Variants in SLC25A26 observed in about 807,000 individuals in gnomAD.
SLC25A26 encodes solute carrier family 25 member 26.
In SLC25A26, 36 loss-of-function variants were observed where a neutral mutation model predicts 37.8. The ratio of observed to expected loss-of-function variants is 0.95; its 90% CI spans 0.73 to 1.26. The LOEUF (loss-of-function observed/expected upper bound fraction) is 1.26, where lower values mean the gene tolerates loss of function less well. Ranked by LOEUF, SLC25A26 falls within the 50% of genes most tolerant of loss-of-function variation. The pLI, the probability that SLC25A26 is intolerant of heterozygous loss-of-function variation, is 0.00. For synonymous variants in SLC25A26, 129 were observed against 122.5 expected (o/e 1.05, Z -0.35); for missense variants, 390 against 331.1 (o/e 1.18, Z -1.38).
chr3:66,368,952 G>A (rs1215041375), intron 7 of SLC25A26, among the ~76,000 whole-genome samples: 1 of 149,816 alleles, frequency 6.7e-6, no homozygotes, highest in Non-Finnish European at 1.5e-5. Context: ...GCCTAGGAGG[G>A]TGAGGCTGCA....
intron 3 of SLC25A26, among the ~76,000 whole-genome samples, chr3:66,253,036 C>CCG (rs1249195910): frequency 7.2e-6 from 1 of 138,306 alleles, no homozygotes; most frequent in Non-Finnish European, 1.6e-5. Flanking sequence ...CCCCCCCCCC[C>CCG]ATAAATATGT....
intron 1 of SLC25A26, among the ~76,000 whole-genome samples, chr3:66,207,593 A>G (rs1019905748): frequency 2.6e-5 from 4 of 152,224 alleles, no homozygotes; most frequent in African/African-American, 9.7e-5. Flanking sequence ...CCTCATCTCT[A>G]AATTCCTGCC....
rs182863695 is a variant in SLC25A26, at chr3:66,227,244, C to G, written c.33+6117C>G. Among the ~76,000 whole-genome samples the G allele has an allele frequency of 6.3e-3, 965 of 152,276 alleles. 15 individuals are homozygous for G. Among genetic ancestry groups the G allele is most frequent in the African/African-American group, 0.022 (915 of 41,542 alleles). ...TCACTTATTTTTTCTAGTTACTTATCTAGATTAATGACAGCAGTGTGAATA... is the reference window on the plus strand; with the variant it reads ...TCACTTATTTTTTCTAGTTACTTATGTAGATTAATGACAGCAGTGTGAATA... On this transcript the variant is annotated intron_variant, in intron 1 of 9. Transcript: ENST00000354883.
Position 66,154,138 on chromosome 3 carries a change from T to C in SLC25A26, c.-354+20154T>C, listed in dbSNP as rs2070244362. Among the ~76,000 whole-genome samples, 4 of 152,252 alleles carry C rather than the reference T, an allele frequency of 2.6e-5. 1 individual carries two copies. In the South Asian group the frequency reaches 8.3e-4, roughly 32 times the overall value. On this transcript the variant is annotated intron_variant, in intron 1 of 10. Transcript: ENST00000676754. ...TAAAACTCGGGCACCAGACCCTGGCTGTCTGGGCAATTTGGGTATGAGACC... is the reference window on the plus strand; with the variant it reads ...TAAAACTCGGGCACCAGACCCTGGCCGTCTGGGCAATTTGGGTATGAGACC...
intron 5 of SLC25A26, among the ~76,000 whole-genome samples, chr3:66,292,098 T>A (rs2074731732): frequency 6.6e-6 from 1 of 152,208 alleles, no homozygotes; most frequent in Non-Finnish European, 1.5e-5. Flanking sequence ...TAAAGTCTGT[T>A]TCGTCAGAGA....
intron 1 of SLC25A26, among the ~76,000 whole-genome samples, chr3:66,227,015 T>G (rs147521886): frequency 6.4e-4 from 98 of 152,346 alleles, no homozygotes; most frequent in African/African-American, 2.3e-3. Context: ...GTGTTCTCAT[T>G]ATGTATTATA....
chr3:66,174,669 C>T (rs577590967), intron 1 of SLC25A26, among the ~76,000 whole-genome samples: 19 of 152,110 alleles, frequency 1.2e-4, no homozygotes, highest in African/African-American at 4.6e-4. Flanking sequence ...GCCTGTAGTC[C>T]CACCTACTCG....
chr3:66,257,644 C>G (rs1014634059), intron 3 of SLC25A26, among the ~76,000 whole-genome samples: 2 of 152,194 alleles, frequency 1.3e-5, no homozygotes, highest in Non-Finnish European at 1.5e-5. Context: ...CACTTCTTTG[C>G]TAGATTATCA....
intron 5 of SLC25A26, among the ~76,000 whole-genome samples, chr3:66,315,604 G>A (rs1215254692): frequency 6.6e-6 from 1 of 152,152 alleles, no homozygotes; most frequent in African/African-American, 2.4e-5. Flanking sequence ...TGTTTTTGGG[G>A]AGAGAGTTCT....
intron 6 of SLC25A26, among the ~76,000 whole-genome samples, chr3:66,358,574 C>T (rs929811383): frequency 1.3e-5 from 2 of 152,174 alleles, no homozygotes; most frequent in African/African-American, 4.8e-5. Context: ...TTTTCATGCC[C>T]ACACCAGAGT....
At chr3:66,370,417 CTG>C (rs1265622006) in intron 8 of SLC25A26, 110 bp from the exon 9 acceptor site, 33 of 875,206 alleles carry the variant, frequency 3.8e-5, no homozygotes, top group South Asian at 1.6e-4. Context: ...GTATCTGACA[CTG>C]TGTTCTAGAT....
chr3:66,195,826 T>A (rs2071036574), intron 1 of SLC25A26, among the ~76,000 whole-genome samples: 1 of 152,220 alleles, frequency 6.6e-6, no homozygotes, highest in Non-Finnish European at 1.5e-5. Context: ...CCTCTATTGA[T>A]CTGGGGATAA....
chr3:66,322,767 C>T (rs540960913), intron 5 of SLC25A26, among the ~76,000 whole-genome samples: 8 of 152,286 alleles, frequency 5.3e-5, no homozygotes, highest in African/African-American at 1.9e-4. Context: ...GGTAAATTAT[C>T]AGTTGCTAGA....
chr3:66,194,554 T>A (rs1243763275), intron 1 of SLC25A26, among the ~76,000 whole-genome samples: 6 of 152,234 alleles, frequency 3.9e-5, no homozygotes, highest in African/African-American at 1.4e-4. Flanking sequence ...AGCATTACTA[T>A]TAGCTTTCAT....
chr3:66,378,166 T>C lies in SLC25A26; in HGVS notation c.*359T>C, dbSNP rs1700789470. On this transcript the variant is annotated 3_prime_UTR_variant, in exon 10 of 10. Coordinates refer to ENST00000354883, the MANE Select transcript of SLC25A26 (RefSeq NM_001379210.1). The stretch of plus-strand genomic sequence containing the variant: ...ATGGTGGATTCAGCAGAAGGCAAGA[T>C]GGTTATAATTCTAAAAGAATAGCTT... 5.8e-6 allele frequency: 1 copy of C among 173,562 alleles called. No homozygotes were observed. The highest frequency in any genetic ancestry group is 1.2e-5 in the Non-Finnish European group (1 of 83,048). 10.8% of individuals were successfully genotyped at this position (173,562 alleles called of 1,614,324 possible).
At chr3:66,165,380 G>GTT in intron 1 of SLC25A26, among the ~76,000 whole-genome samples, 2 of 152,294 alleles carry the variant, frequency 1.3e-5, no homozygotes, top group South Asian at 2.1e-4. Flanking sequence ...AGATAATACA[G>GTT]ATCTATTACA....
At chr3:66,153,550 C>G (rs1056682029) in intron 1 of SLC25A26, among the ~76,000 whole-genome samples, 1 of 152,242 alleles carries the variant, frequency 6.6e-6, no homozygotes, top group Non-Finnish European at 1.5e-5. Context: ...GGTGGCTCTG[C>G]AGACCGCGCT....
intron 4 of SLC25A26, among the ~76,000 whole-genome samples, chr3:66,262,800 T>A (rs1389558979): frequency 6.6e-6 from 1 of 152,192 alleles, no homozygotes; most frequent in East Asian, 1.9e-4. Flanking sequence ...TAGTATAACT[T>A]CCCCGTTGAA....
chr3:66,253,390 A>T (rs1178923681), intron 3 of SLC25A26, among the ~76,000 whole-genome samples: 1 of 150,286 alleles, frequency 6.7e-6, no homozygotes, highest in Non-Finnish European at 1.5e-5. Flanking sequence ...TGACAGAGTG[A>T]GACTCCATCT....
Sources: gnomAD v4.1 joint callset for allele counts (sites outside exome capture counted in the v4.1 genomes callset) on GRCh38, gnomAD v4.1.1 for gene constraint, MANE v1.5 for transcripts, NCBI Gene and HGNC (gene_info 2026-07-23, HGNC 2026-07-21) for gene names.